The following NXF3 variants were observed in gnomAD, a reference collection of about 807,000 sequenced individuals.
NXF3 encodes nuclear RNA export factor 3.
In NXF3, 34 loss-of-function variants were observed where a neutral mutation model predicts 48.4. The ratio of observed to expected loss-of-function variants is 0.70; its 90% CI spans 0.53 to 0.93. The LOEUF is 0.93. NXF3 is among the 40% of genes least tolerant of loss of function. NXF3 has a pLI of 0.00. For missense variants in NXF3, 359 were observed against 406.1 expected, an observed-to-expected ratio of 0.88 and a Z score of 1.00; for synonymous variants, 132 against 145.7, an observed-to-expected ratio of 0.91 and a Z score of 0.68.
At chrX:103,077,243 CTTTTTTTTT>C (rs34811257) in intron 18 of NXF3, among the ~76,000 whole-genome samples, 1 of 62,586 alleles carries the variant, frequency 1.6e-5, no homozygotes, top group Middle Eastern at 9.9e-3. Flanking sequence ...GCACTCACTT[CTTTTTTTTT>C]TTTTTTTTTT....
At position 103,080,480 on chromosome X, in the gene NXF3, A is replaced by G. The variant is rs926997195; in HGVS notation, c.927+96T>C. ...CCCTTGAGGTTTAAGGGTTAGCTCC[A>G]AAAATGTAACTGGGACAATATCTAA... On this transcript the variant is annotated intron_variant, in intron 10 of 19. Transcript: ENST00000395065. 3.2e-6 allele frequency: 3 copies of G among 935,114 alleles called. No homozygotes were observed. The African/African-American group carries it at 5.8e-5, about 18-fold the overall frequency. 77.1% of individuals were successfully genotyped at this position (935,114 alleles called of 1,213,427 possible).
At chrX:103,088,270 T>C in intron 1 of NXF3, 1 of 598,038 alleles carries the variant, frequency 1.7e-6, no homozygotes, top group African/African-American at 2.3e-5. Context: ...GAAAAAAGTA[T>C]TTAAAAAGAG....
chrX:103,083,538 G>T lies in NXF3; in HGVS notation c.436-36C>A, dbSNP rs7065467. ...AGTTGCAAGAGAAATGAAATATGAG[G>T]CCAGAGTCTCTGCTCATCCAGCCCC... On this transcript the variant is annotated intron_variant, in intron 4 of 19. Transcript: ENST00000395065. 6.8e-3 allele frequency: 7,908 copies of T among 1,167,835 alleles called. 325 individuals are homozygous for T. The African/African-American group carries it at 0.12, about 17-fold the overall frequency.
rs1921860613 is a variant in NXF3 at position 103,075,919 on chromosome X, AG to A, written c.*130del. ...GCACAGAACAACTGGCCCCTTTGGA[AG>A]GATGAGAGTCAGCCCTGTGAGTTGG... On this transcript the variant is annotated 3_prime_UTR_variant, in exon 20 of 20. Transcript: ENST00000395065. 1 of 224,114 alleles carries A rather than the reference AG, an allele frequency of 4.5e-6. No individual in the cohort carries two copies. The highest frequency in any genetic ancestry group is 2.8e-5 in the African/African-American group (1 of 35,560). 18.5% of individuals were successfully genotyped at this position (224,114 alleles called of 1,213,427 possible).
At chrX:103,088,062 T>A in intron 1 of NXF3, 1 of 894,478 alleles carries the variant, frequency 1.1e-6, no homozygotes, top group East Asian at 3.2e-5. Context: ...CAATTTATAT[T>A]GTCCCTTTTC....
intron 1 of NXF3, among the ~76,000 whole-genome samples, chrX:103,092,025 A>C (rs1033718416): frequency 4.6e-5 from 5 of 108,630 alleles, no homozygotes; most frequent in African/African-American, 1.3e-4. Context: ...TAAACATTAG[A>C]TATTAGATGG....
intron 9 of NXF3, chrX:103,081,762 G>C (rs937458151): frequency 8.6e-6 from 1 of 116,095 alleles, no homozygotes. Context: ...TCGGCCCTCA[G>C]TATGGGGCAG....
At chrX:103,082,643 G>T in intron 8 of NXF3, 117 bp downstream of exon 8, 3 of 610,687 alleles carry the variant, frequency 4.9e-6, no homozygotes, top group Non-Finnish European at 8.0e-6. Context: ...CTATGGGGAG[G>T]AATGAATTAA....
At chrX:103,081,443 A>G (rs4084275) in intron 9 of NXF3, 3 of 112,609 alleles carry the variant, frequency 2.7e-5, no homozygotes, top group African/African-American at 9.7e-5. Context: ...TGATGGTCCC[A>G]GACTCCTGTG....
At chrX:103,085,306 A>G (rs2147595489) in intron 1 of NXF3, among the ~76,000 whole-genome samples, 1 of 112,103 alleles carries the variant, frequency 8.9e-6, no homozygotes, top group South Asian at 3.7e-4. Context: ...AGCACAGCAG[A>G]AAGGGTTTGG....
In NXF3 at chrX:103,083,316, T is replaced by C. The variant is rs1194239766; in HGVS notation, c.541-43A>G. 5.9e-6 allele frequency: 7 copies of C among 1,183,655 alleles called. No homozygotes were observed. In the East Asian group the frequency reaches 2.1e-4, roughly 35 times the overall value. On this transcript the variant is annotated intron_variant, in intron 5 of 19. Coordinates refer to ENST00000395065, the MANE Select transcript of NXF3 (RefSeq NM_022052.2). ...GGGGCTGAGTAAACACTAGGAACTC[T>C]GACCCCCAAGATCAAGCAAGACCTT...
At position 103,083,298 on chromosome X, in the gene NXF3, A is replaced by C. The variant is rs747782077; in HGVS notation, c.541-25T>G. ...TCTGCAGAGAACCCAAGAGGGGCTG[A>C]GTAAACACTAGGAACTCTGACCCCC... On this transcript the variant is annotated intron_variant, in intron 5 of 19. Transcript: ENST00000395065. 26 of 1,190,810 alleles carry C rather than the reference A, an allele frequency of 2.2e-5. No individual in the cohort carries two copies. The South Asian group carries it at 4.1e-4, about 19-fold the overall frequency.
intron 1 of NXF3, chrX:103,087,379 A>G (rs1231471505): frequency 1.6e-5 from 19 of 1,181,101 alleles, no homozygotes; most frequent in Non-Finnish European, 2.2e-5. Context: ...TGTGTGTCAT[A>G]AAACCTTTAG....
intron 11 of NXF3, 35 bp downstream of exon 11, chrX:103,080,113 C>T: frequency 2.5e-6 from 3 of 1,208,761 alleles, no homozygotes; most frequent in Non-Finnish European, 3.4e-6. Flanking sequence ...CCCCCCCTTC[C>T]TCATGCACCA....
chrX:103,082,645 A>G, intron 8 of NXF3, 115 bp downstream of exon 8: 1 of 606,982 alleles, frequency 1.6e-6, no homozygotes, highest in Non-Finnish European at 2.7e-6. Flanking sequence ...ATGGGGAGGA[A>G]TGAATTAAGA....
intron 1 of NXF3, among the ~76,000 whole-genome samples, chrX:103,090,273 A>C (rs1460520883): frequency 8.9e-6 from 1 of 111,884 alleles, no homozygotes; most frequent in Admixed American, 9.5e-5. Flanking sequence ...GTCTAGTTTT[A>C]GTTTTTATTT....
intron 1 of NXF3, among the ~76,000 whole-genome samples, chrX:103,091,618 A>G (rs1373523817): frequency 9.1e-6 from 1 of 110,283 alleles, no homozygotes; most frequent in African/African-American, 3.3e-5. Context: ...ATACCAAGGG[A>G]CAACTGTACT....
chrX:103,084,402 T>C lies in NXF3; in HGVS notation c.291A>G (p.Pro97=). Residue 97 remains proline (P), a synonymous_variant, in exon 3 of 20, where the codon CCA becomes CCG. Coordinates refer to ENST00000395065, the MANE Select transcript of NXF3 (RefSeq NM_022052.2). ...HVNMEREQKP[P]ERRMEGNMPD... ...GCATGTTCCCCTCCATTCTTCTCTC[T>C]GGAGGTTTTTGCTCTCTCTCCATGT... 8.3e-7 allele frequency: 1 copy of C among 1,211,859 alleles called. No individual in the cohort carries two copies. The highest frequency in any genetic ancestry group is 1.1e-6 in the Non-Finnish European group (1 of 895,524).
Position 103,083,624 on chromosome X carries a change from G to A in NXF3, c.420C>T (p.Pro140=). 1 of 1,208,844 alleles carries A rather than the reference G, an allele frequency of 8.3e-7. No individual in the cohort carries two copies. Among genetic ancestry groups the A allele is most frequent in the Non-Finnish European group, 1.1e-6 (1 of 892,943 alleles). The stretch of plus-strand genomic sequence containing the variant: ...CCTTTCTTACCTCAACTGGGACGAA[G>A]GGTACACTGCATTCATTCTGAATCA... ...LNLIQNECSV[P]FVPVEFHYEN... Residue 140 remains proline, a synonymous_variant, in exon 4 of 20, where the codon CCC becomes CCT. Coordinates refer to ENST00000395065, the MANE Select transcript of NXF3 (RefSeq NM_022052.2).
Sources: allele counts gnomAD v4.1 joint callset (sites outside exome capture counted in the v4.1 genomes callset), GRCh38; gene constraint gnomAD v4.1.1; transcripts MANE v1.5; gene names NCBI Gene and HGNC (gene_info 2026-07-23, HGNC 2026-07-21).